The following BMP2K variants were observed in gnomAD, a reference collection of about 807,000 sequenced individuals.
The protein encoded by BMP2K is BMP-2-inducible protein kinase.
Under a neutral mutation model 116.0 loss-of-function variants are expected in BMP2K, and 74 were observed. The ratio of observed to expected loss-of-function variants is 0.64; its 90% CI spans 0.53 to 0.77. The LOEUF (loss-of-function observed/expected upper bound fraction) is 0.77, where lower values mean the gene tolerates loss of function less well. BMP2K is among the 30% of genes least tolerant of loss of function. The pLI is 0.00. For synonymous variants in BMP2K, 486 were observed against 502.5 expected (o/e 0.97, Z 0.44); for missense variants, 1,365 against 1,403.6 (o/e 0.97, Z 0.44).
intron 1 of BMP2K, among the ~76,000 whole-genome samples, chr4:78,814,560 T>C (rs1048673983): frequency 1.3e-5 from 2 of 152,096 alleles, no homozygotes; most frequent in African/African-American, 2.4e-5. Context: ...TATAAGGGGC[T>C]TTTCCCCCTT....
intron 1 of BMP2K, among the ~76,000 whole-genome samples, chr4:78,801,879 A>G (rs1728585394): frequency 6.6e-6 from 1 of 152,182 alleles, no homozygotes; most frequent in African/African-American, 2.4e-5. Flanking sequence ...TAAAAAATCT[A>G]CAGTTTAGAA....
At chr4:78,865,145 T>A (rs1731981542) in intron 9 of BMP2K, among the ~76,000 whole-genome samples, 1 of 152,152 alleles carries the variant, frequency 6.6e-6, no homozygotes, top group Non-Finnish European at 1.5e-5. Context: ...TGCCTTGGAG[T>A]CCAAGTAAAG....
Position 78,911,276 on chromosome 4 carries a change from A to G in BMP2K, c.2729A>G (p.Gln910Arg). 1.2e-6 allele frequency: 2 copies of G among 1,614,038 alleles called. No homozygotes were observed. Among genetic ancestry groups the G allele is most frequent in the Non-Finnish European group, 1.7e-6 (2 of 1,179,906 alleles). ...KAPFSKKVNV[Q>R]ECHAVGPEAH... Reference sequence around the variant, plus strand: ...CCTTTTAGCAAGAAGGTGAATGTACAAGAATGCCATGCAGTGGGGCCTGAG... The same window carrying G: ...CCTTTTAGCAAGAAGGTGAATGTACGAGAATGCCATGCAGTGGGGCCTGAG... The change falls in exon 16 of 16, where the codon CAA (glutamine) becomes CGA (arginine). Residue 910 changes from glutamine (Q) to arginine (R), a missense_variant. Physicochemically the swap from Gln to Arg is conservative, Grantham distance 43. Coordinates refer to ENST00000502613, the MANE Select transcript of BMP2K (RefSeq NM_198892.2).
chr4:78,850,205 C>T (rs1032097386), intron 6 of BMP2K, among the ~76,000 whole-genome samples: 10 of 151,756 alleles, frequency 6.6e-5, no homozygotes, highest in Non-Finnish European at 1.5e-5. Flanking sequence ...CTAGAAATTT[C>T]CTGTGCTACT....
At chr4:78,797,711 A>G (rs189169141) in intron 1 of BMP2K, among the ~76,000 whole-genome samples, 11 of 152,180 alleles carry the variant, frequency 7.2e-5, no homozygotes, top group Admixed American at 6.5e-4. Flanking sequence ...GCAGCTTTAT[A>G]AGCTTGTCAC....
At chr4:78,782,319 C>G (rs960086465) in intron 1 of BMP2K, among the ~76,000 whole-genome samples, 21 of 152,200 alleles carry the variant, frequency 1.4e-4, no homozygotes, top group Admixed American at 1.4e-3. Flanking sequence ...AACTACTGTT[C>G]CTCTGTCATC....
intron 1 of BMP2K, among the ~76,000 whole-genome samples, chr4:78,823,504 T>TTATATATAGTTA (rs942020948): frequency 3.4e-5 from 5 of 147,554 alleles, no homozygotes; most frequent in Non-Finnish European, 7.5e-5. Context: ...GTATATATAG[T>TTATATATAGTTA]TATATATAGT....
At chr4:78,903,868 T>C (rs1734144191) in intron 15 of BMP2K, among the ~76,000 whole-genome samples, 1 of 151,942 alleles carries the variant, frequency 6.6e-6, no homozygotes, top group Non-Finnish European at 1.5e-5. Context: ...GAATTTTTGC[T>C]GGTGATAATA....
At chr4:78,839,581 G>A (rs207464825) in intron 3 of BMP2K, among the ~76,000 whole-genome samples, 4 of 152,120 alleles carry the variant, frequency 2.6e-5, no homozygotes, top group African/African-American at 9.7e-5. Context: ...GTATTAGTCA[G>A]GGTTTTCTAG....
At chr4:78,901,731 C>G (rs777902721) in intron 15 of BMP2K, among the ~76,000 whole-genome samples, 3 of 152,160 alleles carry the variant, frequency 2.0e-5, no homozygotes, top group Non-Finnish European at 2.9e-5. Flanking sequence ...GTGTGGACCA[C>G]CCCATTTTAA....
chr4:78,798,618 A>T (rs78538776), intron 1 of BMP2K, among the ~76,000 whole-genome samples: 1 of 152,364 alleles, frequency 6.6e-6, no homozygotes, highest in Non-Finnish European at 1.5e-5. Flanking sequence ...ACTCCAACGG[A>T]TACTTGGAAT....
chr4:78,847,929 A>G (rs1731087641), intron 6 of BMP2K, among the ~76,000 whole-genome samples: 1 of 151,738 alleles, frequency 6.6e-6, no homozygotes, highest in Non-Finnish European at 1.5e-5. Context: ...AGCCATATCT[A>G]TCACAAGTGA....
rs139143500 is a variant in BMP2K, at chr4:78,776,386, A to G, written c.-158A>G. On this transcript the variant is annotated 5_prime_UTR_variant, in exon 1 of 16. Transcript: ENST00000502613. ...AGCCGCGGAGCGGGCGGCGGGGCCCAGGCTGTGCGCTTGGGGAGCGCGGAA... is the reference window on the plus strand; with the variant it reads ...AGCCGCGGAGCGGGCGGCGGGGCCCGGGCTGTGCGCTTGGGGAGCGCGGAA... The G allele has an allele frequency of 0.092, 61,071 of 664,298 alleles. 8,173 individuals carry two copies. Among genetic ancestry groups the G allele is most frequent in the African/African-American group, 0.51 (26,376 of 51,496 alleles). 41.2% of individuals were successfully genotyped at this position (664,298 alleles called of 1,614,324 possible).
At chr4:78,785,653 A>G (rs1267892110) in intron 1 of BMP2K, among the ~76,000 whole-genome samples, 2 of 152,140 alleles carry the variant, frequency 1.3e-5, no homozygotes, top group Non-Finnish European at 2.9e-5. Context: ...TTTTTATTCA[A>G]AAAGAATATA....
intron 2 of BMP2K, among the ~76,000 whole-genome samples, chr4:78,832,345 C>G (rs1730247650): frequency 6.6e-6 from 1 of 152,140 alleles, no homozygotes; most frequent in African/African-American, 2.4e-5. Flanking sequence ...GTCAGTTGTA[C>G]TTATCCACCT....
intron 1 of BMP2K, among the ~76,000 whole-genome samples, chr4:78,825,233 CAG>C (rs1302135507): frequency 1.3e-5 from 2 of 152,026 alleles, no homozygotes; most frequent in African/African-American, 2.4e-5. Context: ...ACCCAAAAAA[CAG>C]AATTTCCATA....
In BMP2K at chr4:78,812,005, C is replaced by T. The variant is rs542682564; in HGVS notation, c.179-14032C>T. ...TTGTTTTTTTAAAGACAGAGTCTCG[C>T]TCTTATCACCCAGGCTAGAGTGGAG... On this transcript the variant is annotated intron_variant, in intron 1 of 15. Coordinates refer to ENST00000502613, the MANE Select transcript of BMP2K (RefSeq NM_198892.2). Among the ~76,000 whole-genome samples the T allele has an allele frequency of 5.9e-5, 9 of 152,044 alleles. No homozygotes were observed. In the East Asian group the frequency reaches 1.5e-3, roughly 26 times the overall value.
chr4:78,823,380 G>A (rs1359702584), intron 1 of BMP2K, among the ~76,000 whole-genome samples: 6 of 151,610 alleles, frequency 4.0e-5, no homozygotes, highest in African/African-American at 1.2e-4. Context: ...CCATTTGGGG[G>A]AACTCTTTTC....
At chr4:78,780,891 G>T (rs1727471868) in intron 1 of BMP2K, among the ~76,000 whole-genome samples, 1 of 152,208 alleles carries the variant, frequency 6.6e-6, no homozygotes, top group Non-Finnish European at 1.5e-5. Flanking sequence ...AGAGAATTCA[G>T]TTTAGACTGG....
Sources: allele counts gnomAD v4.1 joint callset (sites outside exome capture counted in the v4.1 genomes callset), GRCh38; gene constraint gnomAD v4.1.1; transcripts MANE v1.5; gene names NCBI Gene and HGNC (gene_info 2026-07-23, HGNC 2026-07-21).